FRMD3: variants seen among roughly 807,000 people sequenced by gnomAD.
FRMD3 encodes FERM domain-containing protein 3.
FRMD3 carries 33 observed loss-of-function variants against 70.2 expected under a neutral mutation model. The ratio of observed to expected loss-of-function variants is 0.47; its 90% CI spans 0.36 to 0.63. FRMD3 has a LOEUF of 0.63. Among genes scored for constraint, FRMD3 ranks in the 20% least tolerant of loss-of-function variants. The pLI, the probability that FRMD3 is intolerant of heterozygous loss-of-function variation, is 0.00. For synonymous variants in FRMD3, 279 were observed against 255.9 expected (o/e 1.09, Z -0.86); for missense variants, 632 against 711.4 (o/e 0.89, Z 1.27).
the FRMD3 span, among the ~76,000 whole-genome samples, chr9:83,560,259 C>G: frequency 6.6e-6 from 1 of 152,158 alleles, no homozygotes; most frequent in African/African-American, 2.4e-5. Context: ...ATGTGACTTG[C>G]TTTGGCCACC....
chr9:83,524,664 C>T (rs1829648693), intron 1 of FRMD3, among the ~76,000 whole-genome samples: 1 of 152,142 alleles, frequency 6.6e-6, no homozygotes, highest in Non-Finnish European at 1.5e-5. Context: ...AGACACAATA[C>T]CCCATCCTAA....
chr9:83,280,844 A>G (rs1169009362), intron 13 of FRMD3, among the ~76,000 whole-genome samples: 1 of 152,208 alleles, frequency 6.6e-6, no homozygotes, highest in Non-Finnish European at 1.5e-5. Flanking sequence ...GGATCATTGT[A>G]TGTACCCTGC....
chr9:83,548,019 T>A, the FRMD3 span, among the ~76,000 whole-genome samples: 2 of 152,214 alleles, frequency 1.3e-5, no homozygotes, highest in Admixed American at 6.5e-5. Flanking sequence ...AACAATGAGA[T>A]ACTGTGATAC....
At chr9:83,370,525 A>G (rs1824936733) in intron 3 of FRMD3, among the ~76,000 whole-genome samples, 1 of 152,210 alleles carries the variant, frequency 6.6e-6, no homozygotes, top group African/African-American at 2.4e-5. Context: ...TGAATTTTAT[A>G]CAATTCTATT....
chr9:83,378,500 ATT>A (rs1416211888), intron 2 of FRMD3, among the ~76,000 whole-genome samples: 2 of 81,082 alleles, frequency 2.5e-5, no homozygotes, highest in Admixed American at 1.2e-4. Flanking sequence ...TACATATAAA[ATT>A]TATATATATA....
intron 1 of FRMD3, among the ~76,000 whole-genome samples, chr9:83,479,965 G>C (rs1056484960): frequency 1.3e-5 from 2 of 152,078 alleles, no homozygotes; most frequent in Admixed American, 1.3e-4. Context: ...GAGAGATGTC[G>C]ATCCACAGGA....
chr9:83,549,164 C>G, the FRMD3 span, among the ~76,000 whole-genome samples: 3 of 152,074 alleles, frequency 2.0e-5, no homozygotes, highest in East Asian at 5.8e-4. Context: ...TTCATAAGTT[C>G]TTATCATTTA....
At chr9:83,388,702 A>C (rs1475432214) in intron 2 of FRMD3, among the ~76,000 whole-genome samples, 1 of 152,220 alleles carries the variant, frequency 6.6e-6, no homozygotes, top group Non-Finnish European at 1.5e-5. Context: ...AGAATAAAAC[A>C]GGGGCTTTCA....
chr9:83,472,730 G>A (rs1213903119), intron 1 of FRMD3, among the ~76,000 whole-genome samples: 1 of 152,178 alleles, frequency 6.6e-6, no homozygotes, highest in East Asian at 1.9e-4. Flanking sequence ...ATTTTTCAAA[G>A]TGTGAAAACC....
chr9:83,250,455 T>C (rs1360375004), intron 13 of FRMD3, among the ~76,000 whole-genome samples: 2 of 152,122 alleles, frequency 1.3e-5, no homozygotes, highest in African/African-American at 4.8e-5. Context: ...AATCTATCTG[T>C]ACATATCCCT....
chr9:83,409,483 C>T (rs1039920188), intron 1 of FRMD3, among the ~76,000 whole-genome samples: 1 of 152,210 alleles, frequency 6.6e-6, no homozygotes, highest in East Asian at 1.9e-4. Flanking sequence ...GAAACCTTGA[C>T]TAGCTTTTCC....
At chr9:83,344,313 T>G (rs1459200398) in intron 4 of FRMD3, among the ~76,000 whole-genome samples, 1 of 152,104 alleles carries the variant, frequency 6.6e-6, no homozygotes, top group East Asian at 1.9e-4. Flanking sequence ...TCTTGGGGGT[T>G]TGTGGGGAGC....
chr9:83,484,430 G>T lies in FRMD3; in HGVS notation c.147+53655C>A, dbSNP rs200567026. Among the ~76,000 whole-genome samples the T allele has an allele frequency of 3.4e-3, 514 of 151,896 alleles. 4 individuals are homozygous for T. Among genetic ancestry groups the T allele is most frequent in the African/African-American group, 0.012 (492 of 41,442 alleles). On this transcript the variant is annotated intron_variant, in intron 1 of 13. Coordinates refer to ENST00000304195, the MANE Select transcript of FRMD3 (RefSeq NM_174938.6). ...ATATACTGTCAATTTTTTTCTTTTTGTGTGTGTGGCAGGGTCTCACTCTGT... is the reference window on the plus strand; with the variant it reads ...ATATACTGTCAATTTTTTTCTTTTTTTGTGTGTGGCAGGGTCTCACTCTGT...
chr9:83,538,268 G>A lies in FRMD3; in HGVS notation c.-37C>T, dbSNP rs1304298563. ...GTGGGGAGCGAGCGGGAGGCTCAGG[G>A]CCGGCGCGGTGCTCGCCTGCGCGGA... On this transcript the variant is annotated 5_prime_UTR_variant, in exon 1 of 14. Coordinates refer to ENST00000304195, the MANE Select transcript of FRMD3 (RefSeq NM_174938.6). This position sits in a 1 kb window ranked among gnomAD's most constrained non-coding sequence, Gnocchi z 4.7. 7 of 1,534,178 alleles carry A rather than the reference G, an allele frequency of 4.6e-6. No individual in the cohort carries two copies. In the Admixed American group the frequency reaches 9.9e-5, roughly 22 times the overall value.
chr9:83,322,722 G>T (rs4361831), intron 6 of FRMD3, among the ~76,000 whole-genome samples: 1 of 151,976 alleles, frequency 6.6e-6, no homozygotes, highest in Non-Finnish European at 1.5e-5. Context: ...ATCCCTGGAG[G>T]TTTCTCTCTT....
chr9:83,322,629 G>A (rs1835844148), intron 6 of FRMD3, among the ~76,000 whole-genome samples: 1 of 152,182 alleles, frequency 6.6e-6, no homozygotes, highest in African/African-American at 2.4e-5. Context: ...AGAGGAATGT[G>A]CAATCTTTAG....
rs1480858952 is a variant in FRMD3, at chr9:83,244,666, A to T, written c.*3252T>A. ...TATTAGGGATTCCTGCCACCATATT[A>T]ACATATAAAACAATCTGGATGTTGA... On this transcript the variant is annotated 3_prime_UTR_variant, in exon 14 of 14. Transcript: ENST00000304195. The T allele has an allele frequency of 2.0e-6, 2 of 985,010 alleles. No homozygotes were observed. The highest frequency in any genetic ancestry group is 3.5e-5 in the African/African-American group (2 of 57,232). The allele number at this position is 985,010 out of a possible 1,614,324, so 61.0% of individuals were successfully genotyped here. A position where few individuals can be genotyped will look rare whatever the true frequency, so the allele number is the denominator to read the frequency against.
In FRMD3 at chr9:83,248,223, C is replaced by A. The variant is rs2118496880; in HGVS notation, c.1489G>T (p.Glu497Ter). ...EADENAFLIA[E>*]EEELKEARRA... ...CGAGCCTCCTTCAGCTCCTCTTCTT[C>A]AGCAATCAAAAAGGCGTTTTCATCT... Residue 497 changes from glutamate (E) to a stop codon, truncating the protein, a stop_gained, in exon 14 of 14, where the codon GAA (glutamate) becomes TAA (stop). Coordinates refer to ENST00000304195, the MANE Select transcript of FRMD3 (RefSeq NM_174938.6). LOFTEE classifies it high-confidence loss of function. The A allele has an allele frequency of 6.2e-7, 1 of 1,614,170 alleles. No individual in the cohort carries two copies. The highest frequency in any genetic ancestry group is 8.5e-7 in the Non-Finnish European group (1 of 1,180,038).
At chr9:83,266,699 T>C (rs144647640) in intron 13 of FRMD3, among the ~76,000 whole-genome samples, 4 of 152,244 alleles carry the variant, frequency 2.6e-5, no homozygotes, top group African/African-American at 9.6e-5. Flanking sequence ...CTTCTCATGT[T>C]ATGGAACAAT....
Sources: gnomAD v4.1 joint callset for allele counts (sites outside exome capture counted in the v4.1 genomes callset) on GRCh38, gnomAD v4.1.1 for gene constraint, Gnocchi (gnomAD v3.1) non-coding constraint, MANE v1.5 for transcripts, NCBI Gene and HGNC (gene_info 2026-07-23, HGNC 2026-07-21) for gene names.